Variants in SMARCD3 observed in about 807,000 individuals in gnomAD.
SMARCD3 encodes the protein SWI/SNF-related matrix-associated actin-dependent regulator of chromatin subfamily D member 3.
A neutral mutation model predicts 58.0 loss-of-function variants in SMARCD3; 14 were observed. The observed-to-expected ratio is 0.24, with a 90% confidence interval of 0.16 to 0.38. The LOEUF (loss-of-function observed/expected upper bound fraction) is 0.38, where lower values mean the gene tolerates loss of function less well. Ranked by LOEUF, SMARCD3 falls within the 10% of genes least tolerant of loss-of-function variation. The pLI is 1.00. For missense variants in SMARCD3, 408 were observed against 636.9 expected (o/e 0.64, Z 3.87); for synonymous variants, 253 against 253.8 (o/e 1.00, Z 0.03).
At position 151,242,050 on chromosome 7, in the gene SMARCD3, TC is replaced by T. The variant is rs1803017703; in HGVS notation, c.676-73del. On this transcript the variant is annotated intron_variant, in intron 6 of 12. Transcript: ENST00000262188. The surrounding 1 kb of genome is among the most constrained non-coding windows in gnomAD (Gnocchi z 4.7). ...GGTGGGGCCCAGGACTCTAGGGTGGTCCCTGACCCAAATCTGTGCTGGTTCT... is the reference window on the plus strand; with the variant it reads ...GGTGGGGCCCAGGACTCTAGGGTGGTCCTGACCCAAATCTGTGCTGGTTCT... 2 of 1,540,712 alleles carry T rather than the reference TC, an allele frequency of 1.3e-6. No homozygotes were observed. The highest frequency in any genetic ancestry group is 2.7e-5 in the African/African-American group (2 of 73,352).
At chr7:151,260,606 A>G (rs1803885767) in intron 2 of SMARCD3, among the ~76,000 whole-genome samples, 1 of 152,078 alleles carries the variant, frequency 6.6e-6, no homozygotes, top group Non-Finnish European at 1.5e-5. Context: ...CCTGAATCCC[A>G]TGGTGACACG....
intron 8 of SMARCD3, 110 bp from the exon 9 acceptor site, chr7:151,240,632 A>T: frequency 2.1e-5 from 13 of 617,542 alleles, no homozygotes; most frequent in Admixed American, 2.6e-5. Flanking sequence ...AGGAAGTCTG[A>T]TTCCTCAGTG....
At chr7:151,256,363 G>C (rs956573909) in intron 2 of SMARCD3, among the ~76,000 whole-genome samples, 1 of 151,186 alleles carries the variant, frequency 6.6e-6, no homozygotes, top group African/African-American at 2.4e-5. Flanking sequence ...TAGAGACAGG[G>C]TTTCACCATG....
At chr7:151,240,576 T>G in intron 8 of SMARCD3, 54 bp from the exon 9 acceptor site, 2 of 1,307,870 alleles carry the variant, frequency 1.5e-6, no homozygotes, top group Non-Finnish European at 2.2e-6. Context: ...GAGATCATCA[T>G]GCAGTTGTAG....
chr7:151,240,382 G>A (rs375847569), intron 9 of SMARCD3, 43 bp downstream of exon 9: 11 of 1,583,404 alleles, frequency 6.9e-6, no homozygotes, highest in Admixed American at 3.4e-5. Context: ...AGGCAGGAAC[G>A]AGATCATTCC....
At position 151,241,761 on chromosome 7, in the gene SMARCD3, TGGGGAAGGATAGGTTTGGGA is replaced by T; in HGVS notation, c.777+96_778-109del. On this transcript the variant is annotated intron_variant, in intron 7 of 12. Coordinates refer to ENST00000262188, the MANE Select transcript of SMARCD3 (RefSeq NM_001003801.2). The surrounding 1 kb of genome is among the most constrained non-coding windows in gnomAD (Gnocchi z 5.3). ...TGTGTTGATTGAGGAAACATGCCCC[TGGGGAAGGATAGGTTTGGGA>T]GGGGAAGGAGGTCTCTCAAGATGCA... is the stretch of plus-strand genomic sequence containing the variant. 1 of 1,388,856 alleles carries T rather than the reference TGGGGAAGGATAGGTTTGGGA, an allele frequency of 7.2e-7. No homozygotes were observed. Among genetic ancestry groups the T allele is most frequent in the Middle Eastern group, 1.7e-4 (1 of 5,718 alleles). The allele number at this position is 1,388,856 out of a possible 1,614,324, so 86.0% of individuals were successfully genotyped here. A position where few individuals can be genotyped will look rare whatever the true frequency, so the allele number is the denominator to read the frequency against.
chr7:151,245,523 G>A lies in SMARCD3; in HGVS notation c.227C>T (p.Pro76Leu), dbSNP rs1022296899. 9 of 1,222,540 alleles carry A rather than the reference G, an allele frequency of 7.4e-6. No individual in the cohort carries two copies. In the African/African-American group the frequency reaches 9.4e-5, roughly 13 times the overall value. The allele number at this position is 1,222,540 out of a possible 1,614,324, so 75.7% of individuals were successfully genotyped here. Residue 76 changes from proline to leucine, a missense_variant, in exon 2 of 13, where the codon CCC becomes CTC. This residue lies in a region of SMARCD3 where 128 missense variants were observed against 188.8 expected (regional missense o/e 0.68). Transcript: ENST00000262188. This position sits in a 1 kb window ranked among gnomAD's most constrained non-coding sequence, Gnocchi z 6.2. ...CTGGCTCTGTGCCTGGCTCTGCCCG[G>A]GCGGGGGCGCTGCTCGCTTGCGGGC... ...EPARKRAAPP[P>L]GQSQAQSQGQ...
intron 2 of SMARCD3, among the ~76,000 whole-genome samples, chr7:151,268,151 C>T (rs1795054915): frequency 6.6e-6 from 1 of 152,156 alleles, no homozygotes; most frequent in Non-Finnish European, 1.5e-5. Flanking sequence ...ACGAACTGGG[C>T]AGGGCAGATA....
chr7:151,258,231 C>T (rs937223758), intron 2 of SMARCD3, among the ~76,000 whole-genome samples: 4 of 152,114 alleles, frequency 2.6e-5, no homozygotes, highest in African/African-American at 4.8e-5. Flanking sequence ...CCAGCCTCAC[C>T]CCAACAGTCT....
Position 151,239,570 on chromosome 7 carries a change from C to G in SMARCD3, c.1296+54G>C. The G allele has an allele frequency of 2.5e-6, 4 of 1,613,260 alleles. No individual in the cohort carries two copies. Among genetic ancestry groups the G allele is most frequent in the Non-Finnish European group, 3.4e-6 (4 of 1,179,364 alleles). ...GCCCCTGGAGTACAACGTTTACTCT[C>G]TTTCCCGCTGTGCTTGTCTTCCACT... On this transcript the variant is annotated intron_variant, in intron 11 of 12. Transcript: ENST00000262188. This position sits in a 1 kb window ranked among gnomAD's most constrained non-coding sequence, Gnocchi z 7.0.
At chr7:151,260,102 T>C (rs1234000034) in intron 2 of SMARCD3, among the ~76,000 whole-genome samples, 1 of 152,184 alleles carries the variant, frequency 6.6e-6, no homozygotes, top group East Asian at 1.9e-4. Context: ...AAATTCACTG[T>C]GCTATCACAG....
upstream of SMARCD3, among the ~76,000 whole-genome samples, chr7:151,250,187 C>A (rs1185247282): frequency 6.6e-6 from 1 of 152,094 alleles, no homozygotes; most frequent in African/African-American, 2.4e-5. Context: ...TTGGCTGTCA[C>A]TGTTCATTTA....
intron 2 of SMARCD3, among the ~76,000 whole-genome samples, chr7:151,265,127 A>T (rs1237658907): frequency 6.6e-6 from 1 of 152,162 alleles, no homozygotes; most frequent in Admixed American, 6.5e-5. Flanking sequence ...CCCAAAATTC[A>T]TATGTTGGAG....
In SMARCD3 at chr7:151,239,443, G is replaced by A; in HGVS notation, c.1351C>T (p.His451Tyr). The A allele has an allele frequency of 1.2e-6, 2 of 1,613,808 alleles. No individual in the cohort carries two copies. The highest frequency in any genetic ancestry group is 1.7e-6 in the Non-Finnish European group (2 of 1,179,968). ...PEEERRAEFY[H>Y]QPWSQEAVSR... is the part of the protein sequence containing the mutation. The stretch of plus-strand genomic sequence containing the variant: ...ACGGCCTCCTGGGACCAGGGCTGGT[G>A]GTAGAACTCAGCCCGGCGCTCCTCT... The change falls in exon 12 of 13, where the codon CAC becomes TAC. Residue 451 changes from histidine to tyrosine, a missense_variant. Around this residue, in one of 4 missense-constraint regions of SMARCD3, gnomAD observed 81 missense variants for 109.7 expected, o/e 0.74. Transcript: ENST00000262188. This position sits in a 1 kb window ranked among gnomAD's most constrained non-coding sequence, Gnocchi z 7.0.
intron 2 of SMARCD3, among the ~76,000 whole-genome samples, chr7:151,273,035 C>T (rs1040086466): frequency 2.6e-5 from 4 of 152,206 alleles, no homozygotes; most frequent in South Asian, 2.1e-4. Context: ...GGGGTGAGGA[C>T]GGACGCCTAG....
chr7:151,275,858 C>T (rs2072295), intron 1 of SMARCD3, among the ~76,000 whole-genome samples: 61,329 of 151,978 alleles, frequency 0.4, 13,146 homozygotes, highest in Non-Finnish European at 0.47. Context: ...CCTGAGCAGA[C>T]GGTGGGGCAT....
chr7:151,255,079 T>C (rs931023221), intron 2 of SMARCD3, among the ~76,000 whole-genome samples: 1 of 152,074 alleles, frequency 6.6e-6, no homozygotes, highest in Non-Finnish European at 1.5e-5. Flanking sequence ...AGGGGAGCCC[T>C]CGACCTGCCC....
At chr7:151,255,166 G>A (rs1803660052) in intron 2 of SMARCD3, among the ~76,000 whole-genome samples, 1 of 152,038 alleles carries the variant, frequency 6.6e-6, no homozygotes, top group East Asian at 1.9e-4. Context: ...GAAAGCCCCA[G>A]ACCCCCTCAA....
chr7:151,243,862 G>A lies in SMARCD3; in HGVS notation c.291-161C>T. Among the ~76,000 whole-genome samples, 1 of 152,124 alleles carries A rather than the reference G, an allele frequency of 6.6e-6. No individual in the cohort carries two copies. Among genetic ancestry groups the A allele is most frequent in the East Asian group, 1.9e-4 (1 of 5,168 alleles). Reference sequence around the variant, plus strand: ...GGCTGTGACGGTGGTGTGTGGAACCGGTGCTCTGTCCTCTCTCAGGACACA... The same window carrying A: ...GGCTGTGACGGTGGTGTGTGGAACCAGTGCTCTGTCCTCTCTCAGGACACA... On this transcript the variant is annotated intron_variant, in intron 2 of 12. Transcript: ENST00000262188. The surrounding 1 kb of genome is among the most constrained non-coding windows in gnomAD (Gnocchi z 4.4).
Sources: gnomAD v4.1 joint callset for allele counts (sites outside exome capture counted in the v4.1 genomes callset) on GRCh38, gnomAD v4.1.1 for gene constraint, gnomAD v4.1.1 regional missense constraint, Gnocchi (gnomAD v3.1) non-coding constraint, MANE v1.5 for transcripts, NCBI Gene and HGNC (gene_info 2026-07-23, HGNC 2026-07-21) for gene names.